Variants in GSG1L observed in about 807,000 individuals in gnomAD.
GSG1L encodes the protein GSG1 like.
A neutral mutation model predicts 42.1 loss-of-function variants in GSG1L; 24 were observed. The observed-to-expected ratio is 0.57, with a 90% confidence interval of 0.41 to 0.80. The LOEUF is 0.80. Among genes scored for constraint, GSG1L ranks in the 30% least tolerant of loss-of-function variants. The pLI is 0.00. For synonymous variants in GSG1L, 215 were observed against 203.5 expected (o/e 1.06, Z -0.48); for missense variants, 445 against 472.2 (o/e 0.94, Z 0.53).
At chr16:27,798,159 G>A (rs2082841999) in intron 6 of GSG1L, among the ~76,000 whole-genome samples, 1 of 152,110 alleles carries the variant, frequency 6.6e-6, no homozygotes, top group Non-Finnish European at 1.5e-5. Context: ...ACCTGCACCT[G>A]TACCCCCTGA....
chr16:27,895,626 T>A (rs2084182621), intron 2 of GSG1L, among the ~76,000 whole-genome samples: 1 of 152,248 alleles, frequency 6.6e-6, no homozygotes, highest in African/African-American at 2.4e-5. Context: ...CTGAATTGAC[T>A]TTCTAAGCCA....
At chr16:28,039,710 A>G (rs147747529) in intron 1 of GSG1L, among the ~76,000 whole-genome samples, 2,909 of 151,706 alleles carry the variant, frequency 0.019, 103 homozygotes, top group African/African-American at 0.065. Flanking sequence ...ATGCCTGTGC[A>G]CACACATGCA....
intron 5 of GSG1L, among the ~76,000 whole-genome samples, chr16:27,826,803 C>T (rs1170966368): frequency 6.6e-6 from 1 of 152,210 alleles, no homozygotes; most frequent in Non-Finnish European, 1.5e-5. Flanking sequence ...AGAGGGTCCT[C>T]AAGGCTGAGA....
chr16:27,911,728 G>C (rs1320975708), intron 2 of GSG1L, among the ~76,000 whole-genome samples: 1 of 151,912 alleles, frequency 6.6e-6, no homozygotes, highest in Non-Finnish European at 1.5e-5. Context: ...TTTGATCTTT[G>C]CTCAAATGTC....
At chr16:28,052,679 G>A (rs926732143) in intron 1 of GSG1L, among the ~76,000 whole-genome samples, 10 of 152,194 alleles carry the variant, frequency 6.6e-5, no homozygotes, top group African/African-American at 2.2e-4. Flanking sequence ...GACATGTCAC[G>A]GGAGTAAGAA....
At position 27,891,156 on chromosome 16, in the gene GSG1L, C is replaced by T. The variant is rs192532608; in HGVS notation, c.398-6518G>A. 3.6e-4 allele frequency among the ~76,000 whole-genome samples: 55 copies of T among 152,268 alleles called. 1 individual carries two copies. Among genetic ancestry groups the T allele is most frequent in the African/African-American group, 1.3e-3 (54 of 41,542 alleles). ...CAAGTGTAAGCTGGTGAATAAGTCC[C>T]AGAAGCTGGGTGCCACTGGGGGCTG... On this transcript the variant is annotated intron_variant, in intron 2 of 6. Transcript: ENST00000447459.
intron 1 of GSG1L, among the ~76,000 whole-genome samples, chr16:28,049,965 C>T (rs1567569902): frequency 6.6e-6 from 1 of 152,170 alleles, no homozygotes; most frequent in Non-Finnish European, 1.5e-5. Context: ...GTTTAACTTA[C>T]TCATTTTCTC....
intron 5 of GSG1L, among the ~76,000 whole-genome samples, chr16:27,812,665 T>G (rs1442833088): frequency 1.3e-5 from 2 of 152,118 alleles, no homozygotes; most frequent in East Asian, 3.9e-4. Flanking sequence ...TGAAAACCAC[T>G]GGTGCAGGGA....
chr16:28,052,025 T>C (rs2086227099), intron 1 of GSG1L, among the ~76,000 whole-genome samples: 2 of 151,970 alleles, frequency 1.3e-5, no homozygotes, highest in African/African-American at 4.8e-5. Flanking sequence ...AGACTCTGGA[T>C]GTGTTTGGGA....
At chr16:27,991,602 G>A (rs1411666293) in intron 1 of GSG1L, among the ~76,000 whole-genome samples, 3 of 151,738 alleles carry the variant, frequency 2.0e-5, no homozygotes, top group Non-Finnish European at 4.4e-5. Context: ...ACGAGGTTTC[G>A]CCATGTTGGT....
At chr16:27,935,422 G>C (rs1393951030) in intron 2 of GSG1L, among the ~76,000 whole-genome samples, 1 of 152,160 alleles carries the variant, frequency 6.6e-6, no homozygotes. Flanking sequence ...TGGGGCTCTT[G>C]ACACCTTGCA....
chr16:27,893,186 T>C (rs896951205), intron 2 of GSG1L, among the ~76,000 whole-genome samples: 2 of 152,024 alleles, frequency 1.3e-5, no homozygotes, highest in African/African-American at 4.8e-5. Context: ...GGGCCAGGAG[T>C]TGACAACTGA....
At chr16:28,024,390 G>A (rs2085878541) in intron 1 of GSG1L, among the ~76,000 whole-genome samples, 1 of 152,260 alleles carries the variant, frequency 6.6e-6, no homozygotes, top group Non-Finnish European at 1.5e-5. Flanking sequence ...CTGACATGAT[G>A]CGTTTAGAGC....
chr16:27,967,481 G>A (rs917853098), intron 1 of GSG1L, among the ~76,000 whole-genome samples: 2 of 152,184 alleles, frequency 1.3e-5, no homozygotes, highest in Admixed American at 6.5e-5. Flanking sequence ...CTGAGATGCA[G>A]GACTCACACC....
chr16:27,875,846 C>G (rs1449223753), intron 3 of GSG1L, among the ~76,000 whole-genome samples: 1 of 152,192 alleles, frequency 6.6e-6, no homozygotes, highest in Non-Finnish European at 1.5e-5. Flanking sequence ...TGAGCCTGGG[C>G]TACTTGTAGC....
At chr16:27,895,687 C>G (rs1035409173) in intron 2 of GSG1L, among the ~76,000 whole-genome samples, 5 of 151,944 alleles carry the variant, frequency 3.3e-5, no homozygotes, top group African/African-American at 1.2e-4. Flanking sequence ...CCAGCCAGCC[C>G]CAAATCCTTT....
At chr16:27,968,928 G>T (rs1208112212) in intron 1 of GSG1L, among the ~76,000 whole-genome samples, 1 of 152,088 alleles carries the variant, frequency 6.6e-6, no homozygotes, top group African/African-American at 2.4e-5. Flanking sequence ...GGCCAACATG[G>T]TGAAATCCCT....
chr16:27,867,737 C>T (rs917762018), intron 3 of GSG1L, among the ~76,000 whole-genome samples: 3 of 152,136 alleles, frequency 2.0e-5, no homozygotes, highest in Non-Finnish European at 4.4e-5. Context: ...ACCTGCAGCG[C>T]ACCCACCCTG....
intron 2 of GSG1L, among the ~76,000 whole-genome samples, chr16:27,927,291 G>A (rs760742872): frequency 4.6e-5 from 7 of 151,888 alleles, no homozygotes; most frequent in Admixed American, 6.6e-5. Flanking sequence ...CTGGGACCAC[G>A]GGTACGTGCC....
Sources: allele counts gnomAD v4.1 joint callset (sites outside exome capture counted in the v4.1 genomes callset), GRCh38; gene constraint gnomAD v4.1.1; transcripts MANE v1.5; gene names NCBI Gene and HGNC (gene_info 2026-07-23, HGNC 2026-07-21).